Variants in GMDS observed in about 807,000 individuals in gnomAD.
GMDS encodes GDP-mannose 4,6 dehydratase.
A neutral mutation model predicts 49.9 loss-of-function variants in GMDS; 20 were observed. The observed-to-expected ratio is 0.40, with a 90% CI of 0.28 to 0.58. The LOEUF (loss-of-function observed/expected upper bound fraction) is 0.58. Ranked by LOEUF, GMDS falls within the 20% of genes least tolerant of loss-of-function variation. The pLI is 0.42. For synonymous variants in GMDS, 177 were observed against 178.6 expected (o/e 0.99, Z 0.07); for missense variants, 362 against 481.4 (o/e 0.75, Z 2.32).
intron 1 of GMDS, among the ~76,000 whole-genome samples, chr6:2,152,952 C>T (rs1356355686): frequency 1.3e-5 from 2 of 152,006 alleles, no homozygotes; most frequent in East Asian, 3.9e-4. Context: ...TGGTGGTGGG[C>T]GCCTGTAATC....
At chr6:2,011,769 A>G (rs9378669) in intron 4 of GMDS, among the ~76,000 whole-genome samples, 36,395 of 152,142 alleles carry the variant, frequency 0.24, 5,311 homozygotes, top group East Asian at 0.48. Flanking sequence ...TTAAAAATTA[A>G]AAATTAGCTA....
chr6:1,738,702 A>C (rs1767144561), intron 8 of GMDS, among the ~76,000 whole-genome samples: 1 of 152,018 alleles, frequency 6.6e-6, no homozygotes, highest in Non-Finnish European at 1.5e-5. Flanking sequence ...AATTAATGGC[A>C]ATGCTAATGA....
intron 5 of GMDS, among the ~76,000 whole-genome samples, chr6:1,960,252 TCTAA>T (rs1398001750): frequency 6.6e-6 from 1 of 152,188 alleles, no homozygotes; most frequent in Non-Finnish European, 1.5e-5. Flanking sequence ...ATTCTCTCTC[TCTAA>T]CTTTTGAGGA....
chr6:2,154,962 A>G (rs1186689780), intron 1 of GMDS, among the ~76,000 whole-genome samples: 1 of 151,590 alleles, frequency 6.6e-6, no homozygotes, highest in Non-Finnish European at 1.5e-5. Context: ...CACTCTACAG[A>G]TTTTTACCTA....
chr6:2,065,740 G>T (rs369243819), intron 4 of GMDS, among the ~76,000 whole-genome samples: 2 of 152,072 alleles, frequency 1.3e-5, no homozygotes, highest in Non-Finnish European at 2.9e-5. Flanking sequence ...AAAAAGAAAC[G>T]AGCAAAGCCT....
At chr6:1,998,299 G>A (rs1401166895) in intron 4 of GMDS, among the ~76,000 whole-genome samples, 1 of 152,074 alleles carries the variant, frequency 6.6e-6, no homozygotes, top group East Asian at 1.9e-4. Context: ...TAAGAATATT[G>A]ACAGATCATC....
At chr6:2,117,264 A>C (rs1397095874) in intron 3 of GMDS, among the ~76,000 whole-genome samples, 8 of 152,178 alleles carry the variant, frequency 5.3e-5, no homozygotes, top group Non-Finnish European at 1.2e-4. Flanking sequence ...TCTAACAGCC[A>C]AACCATCATG....
intron 7 of GMDS, among the ~76,000 whole-genome samples, chr6:1,916,986 ATTAAAGGACTGCTTAAT>A (rs1277365400): frequency 3.9e-5 from 6 of 151,982 alleles, no homozygotes; most frequent in Admixed American, 3.9e-4. Context: ...TTGTACAACT[ATTAAAGGACTGCTTAAT>A]GTAGAGGAAG....
intron 7 of GMDS, among the ~76,000 whole-genome samples, chr6:1,810,733 G>A (rs902189287): frequency 6.6e-6 from 1 of 152,118 alleles, no homozygotes; most frequent in Non-Finnish European, 1.5e-5. Flanking sequence ...GGAGATGACT[G>A]GACATAACCT....
At chr6:1,858,049 T>C (rs1758017568) in intron 7 of GMDS, among the ~76,000 whole-genome samples, 1 of 152,198 alleles carries the variant, frequency 6.6e-6, no homozygotes, top group Admixed American at 6.5e-5. Flanking sequence ...GAATGTATTA[T>C]ACTTACGAAG....
At chr6:1,642,357 C>T (rs1175346330) in intron 9 of GMDS, among the ~76,000 whole-genome samples, 4 of 151,736 alleles carry the variant, frequency 2.6e-5, no homozygotes. Context: ...TTAGTAGAGA[C>T]AGGGTTTCAC....
intron 1 of GMDS, among the ~76,000 whole-genome samples, chr6:2,168,829 T>C (rs1428176038): frequency 6.6e-6 from 1 of 152,228 alleles, no homozygotes; most frequent in African/African-American, 2.4e-5. Flanking sequence ...TCTGAATATT[T>C]AGAATAAAAA....
intron 9 of GMDS, among the ~76,000 whole-genome samples, chr6:1,714,966 G>T (rs998611337): frequency 6.6e-6 from 1 of 152,254 alleles, no homozygotes; most frequent in African/African-American, 2.4e-5. Flanking sequence ...CATCTGGAGT[G>T]CTGAGCTTGT....
At chr6:1,805,317 A>G (rs1409292760) in intron 7 of GMDS, among the ~76,000 whole-genome samples, 2 of 152,212 alleles carry the variant, frequency 1.3e-5, no homozygotes, top group Non-Finnish European at 2.9e-5. Flanking sequence ...CAGGAGGAAC[A>G]TATCTTACTA....
In GMDS at chr6:1,718,917, A is replaced by C. The variant is rs12213418; in HGVS notation, c.987+7499T>G. 1.9e-3 allele frequency among the ~76,000 whole-genome samples: 292 copies of C among 152,254 alleles called. 1 individual carries two copies. Among genetic ancestry groups the C allele is most frequent in the Non-Finnish European group, 3.1e-3 (214 of 68,024 alleles). ...CTGTAATAAATCCTAAAACCTGCAG[A>C]ATCTTTTAGTACCTACACACAGTCA... is the stretch of plus-strand genomic sequence containing the variant. On this transcript the variant is annotated intron_variant, in intron 9 of 10. Coordinates refer to ENST00000380815, the MANE Select transcript of GMDS (RefSeq NM_001500.4).
chr6:1,708,842 A>C (rs1003613520), intron 9 of GMDS, among the ~76,000 whole-genome samples: 7 of 152,218 alleles, frequency 4.6e-5, no homozygotes, highest in Admixed American at 2.0e-4. Flanking sequence ...TGTAAAAAAG[A>C]AGCACCTTTA....
chr6:2,123,224 C>T (rs904060736), intron 2 of GMDS, among the ~76,000 whole-genome samples: 7 of 152,340 alleles, frequency 4.6e-5, no homozygotes, highest in East Asian at 3.9e-4. Flanking sequence ...ATCACTGCAG[C>T]GCATAGCCGT....
At chr6:2,124,867 C>T (rs748116383) in intron 1 of GMDS, 136 bp from the exon 2 acceptor site, 1 of 665,926 alleles carries the variant, frequency 1.5e-6, no homozygotes, top group Non-Finnish European at 2.7e-6. Context: ...AAAAATAACA[C>T]CAATAATGTC....
chr6:1,630,891 G>A (rs1762980580), intron 9 of GMDS, among the ~76,000 whole-genome samples: 1 of 152,014 alleles, frequency 6.6e-6, no homozygotes, highest in Admixed American at 6.6e-5. Flanking sequence ...GGGGGTGGCT[G>A]ACTCATAGTT....
Sources: allele counts gnomAD v4.1 joint callset (sites outside exome capture counted in the v4.1 genomes callset), GRCh38; gene constraint gnomAD v4.1.1; transcripts MANE v1.5; gene names NCBI Gene and HGNC (gene_info 2026-07-23, HGNC 2026-07-21).